DENND5B: variants seen among roughly 807,000 people sequenced by gnomAD.
The protein encoded by DENND5B is DENN domain-containing protein 5B.
A neutral mutation model predicts 140.6 loss-of-function variants in DENND5B; 34 were observed. The observed-to-expected ratio is 0.24, with a 90% CI of 0.18 to 0.32. The LOEUF (loss-of-function observed/expected upper bound fraction) is 0.32, where lower values mean the gene tolerates loss of function less well. Ranked by LOEUF, DENND5B falls within the 10% of genes least tolerant of loss-of-function variation. DENND5B has a pLI of 1.00. For synonymous variants in DENND5B, 551 were observed against 562.1 expected (o/e 0.98, Z 0.28); for missense variants, 1,142 against 1,560.2 (o/e 0.73, Z 4.52).
At chr12:31,458,230 T>C (rs1051389056) in intron 4 of DENND5B, among the ~76,000 whole-genome samples, 2 of 152,222 alleles carry the variant, frequency 1.3e-5, no homozygotes, top group Non-Finnish European at 1.5e-5. Context: ...ACTACAGATA[T>C]ATCAAGCTGC....
chr12:31,488,366 G>A (rs547177234), intron 2 of DENND5B, among the ~76,000 whole-genome samples: 5 of 152,224 alleles, frequency 3.3e-5, no homozygotes, highest in East Asian at 1.9e-4. Flanking sequence ...ATTGATAGGC[G>A]TTCCTGTCAT....
At chr12:31,552,865 A>G (rs1452425605) in intron 1 of DENND5B, among the ~76,000 whole-genome samples, 2 of 152,144 alleles carry the variant, frequency 1.3e-5, no homozygotes, top group African/African-American at 2.4e-5. Flanking sequence ...AGAGGTGTTT[A>G]TAGTATCTCT....
intron 15 of DENND5B, among the ~76,000 whole-genome samples, chr12:31,400,414 G>A (rs950526179): frequency 2.6e-5 from 4 of 152,102 alleles, no homozygotes; most frequent in African/African-American, 7.2e-5. Flanking sequence ...GTCCTTTGTG[G>A]ACAAGTACAA....
intron 12 of DENND5B, 29 bp from the exon 13 acceptor site, chr12:31,413,593 T>C (rs200162244): frequency 3.2e-5 from 52 of 1,600,002 alleles, no homozygotes; most frequent in Admixed American, 5.1e-5. Flanking sequence ...AGCAAAGATG[T>C]AGATTTTAAG....
At chr12:31,453,231 G>A (rs1002754514) in intron 4 of DENND5B, among the ~76,000 whole-genome samples, 3 of 152,144 alleles carry the variant, frequency 2.0e-5, no homozygotes, top group African/African-American at 7.2e-5. Flanking sequence ...ATGTAACTAT[G>A]CACTTGATTA....
In DENND5B at chr12:31,449,731, G is replaced by GTTTTTTTTTTTTTTT. The variant is rs771712867; in HGVS notation, c.1630-1977_1630-1963dup. ...ATAAACCATGGATATACACAGATTA[G>GTTTTTTTTTTTTTTT]TTTTTTTTTTTTTTTTTTGAGACAG... On this transcript the variant is annotated intron_variant, in intron 5 of 20. Transcript: ENST00000389082. 4.3e-4 allele frequency among the ~76,000 whole-genome samples: 39 copies of GTTTTTTTTTTTTTTT among 89,930 alleles called. 3 individuals are homozygous for GTTTTTTTTTTTTTTT. Among genetic ancestry groups the GTTTTTTTTTTTTTTT allele is most frequent in the East Asian group, 1.2e-3 (3 of 2,522 alleles). The allele number at this position is 89,930 out of a possible 152,430, so 59.0% of individuals were successfully genotyped here. A position where few individuals can be genotyped will look rare whatever the true frequency, so the allele number is the denominator to read the frequency against.
At chr12:31,452,997 C>T (rs1944609393) in intron 4 of DENND5B, among the ~76,000 whole-genome samples, 2 of 152,172 alleles carry the variant, frequency 1.3e-5, no homozygotes, top group Non-Finnish European at 1.5e-5. Context: ...TTCTTTGCCA[C>T]TCCACTGCTC....
At chr12:31,427,151 G>T (rs2568887) in intron 8 of DENND5B, among the ~76,000 whole-genome samples, 28,185 of 152,094 alleles carry the variant, frequency 0.19, 2,920 homozygotes, top group Non-Finnish European at 0.25. Flanking sequence ...AAGAGAAAGT[G>T]AATTACAGTG....
chr12:31,428,826 G>A (rs1218013157), intron 8 of DENND5B, among the ~76,000 whole-genome samples: 1 of 152,176 alleles, frequency 6.6e-6, no homozygotes, highest in African/African-American at 2.4e-5. Flanking sequence ...CCGCCTCCTG[G>A]TTTCACACCA....
intron 5 of DENND5B, among the ~76,000 whole-genome samples, chr12:31,451,489 A>G (rs948839648): frequency 2.0e-5 from 3 of 151,908 alleles, no homozygotes; most frequent in African/African-American, 7.3e-5. Flanking sequence ...ACGCCCAGCT[A>G]ATTTTTTGTA....
At chr12:31,483,256 G>T (rs1946139719) in intron 2 of DENND5B, among the ~76,000 whole-genome samples, 3 of 152,270 alleles carry the variant, frequency 2.0e-5, no homozygotes, top group Admixed American at 2.0e-4. Flanking sequence ...CAGGATCTGG[G>T]AAACTTTTTC....
chr12:31,562,986 A>T (rs558902259), intron 1 of DENND5B, among the ~76,000 whole-genome samples: 1 of 152,082 alleles, frequency 6.6e-6, no homozygotes, highest in African/African-American at 2.4e-5. Flanking sequence ...CTCTGCCCCT[A>T]AGCAAACTTT....
chr12:31,433,439 T>C (rs1943607040), intron 7 of DENND5B, among the ~76,000 whole-genome samples, 191 bp from the exon 8 acceptor site: 1 of 152,232 alleles, frequency 6.6e-6, no homozygotes, highest in Non-Finnish European at 1.5e-5. Flanking sequence ...CGGTTTTTAG[T>C]ATCTTTCCAG....
At chr12:31,449,730 A>G (rs946203212) in intron 5 of DENND5B, among the ~76,000 whole-genome samples, 1 of 24,400 alleles carries the variant, frequency 4.1e-5, no homozygotes, top group Non-Finnish European at 1.4e-4. Flanking sequence ...TACACAGATT[A>G]GTTTTTTTTT....
Position 31,398,366 on chromosome 12 carries a change from G to A in DENND5B, c.3069-4C>T. 1 of 1,528,574 alleles carries A rather than the reference G, an allele frequency of 6.5e-7. No homozygotes were observed. Among genetic ancestry groups the A allele is most frequent in the Non-Finnish European group, 8.8e-7 (1 of 1,140,346 alleles). The allele number at this position is 1,528,574 out of a possible 1,614,324, so 94.7% of individuals were successfully genotyped here. ...CAGCCACCGCCCACATGGGAATCTGGTAGGACAGAAAACAAGTTTTTTATT... is the reference window on the plus strand; with the variant it reads ...CAGCCACCGCCCACATGGGAATCTGATAGGACAGAAAACAAGTTTTTTATT... On this transcript the variant is annotated splice_polypyrimidine_tract_variant and splice_region_variant and intron_variant, in intron 16 of 20. Transcript: ENST00000389082.
At chr12:31,454,079 T>A (rs897756165) in intron 4 of DENND5B, among the ~76,000 whole-genome samples, 1 of 151,254 alleles carries the variant, frequency 6.6e-6, no homozygotes, top group Admixed American at 6.6e-5. Flanking sequence ...GAGGCAGAGG[T>A]TGCAGTGAGC....
At chr12:31,519,888 C>G (rs1290730502) in intron 1 of DENND5B, among the ~76,000 whole-genome samples, 1 of 152,158 alleles carries the variant, frequency 6.6e-6, no homozygotes, top group African/African-American at 2.4e-5. Flanking sequence ...TCACTACTAT[C>G]TAATTTTAGA....
Position 31,573,196 on chromosome 12 carries a change from C to T in DENND5B, c.127+17510G>A, listed in dbSNP as rs137999134. 2.3e-3 allele frequency among the ~76,000 whole-genome samples: 350 copies of T among 152,264 alleles called. 4 individuals carry two copies. The highest frequency in any genetic ancestry group is 7.7e-3 in the African/African-American group (318 of 41,552). On this transcript the variant is annotated intron_variant, in intron 1 of 20. Transcript: ENST00000389082. Reference sequence around the variant, plus strand: ...TAGTTCAGAGATATTAAAAAATATTCAATTGTGTTACTAAAATGACAATTT... The same window carrying T: ...TAGTTCAGAGATATTAAAAAATATTTAATTGTGTTACTAAAATGACAATTT...
intron 15 of DENND5B, among the ~76,000 whole-genome samples, chr12:31,400,516 A>T (rs708211): frequency 0.93 from 141,178 of 152,242 alleles, 65,919 homozygotes; most frequent in East Asian, 0.99. Flanking sequence ...TGACCCCAAC[A>T]ATGTGCTGGA....
Sources: gnomAD v4.1 joint callset for allele counts (sites outside exome capture counted in the v4.1 genomes callset) on GRCh38, gnomAD v4.1.1 for gene constraint, MANE v1.5 for transcripts, NCBI Gene and HGNC (gene_info 2026-07-23, HGNC 2026-07-21) for gene names.